Variants in TNS1 observed in about 807,000 individuals in gnomAD.
TNS1 encodes tensin-1.
In TNS1, 62 loss-of-function variants were observed where a neutral mutation model predicts 168.6. The ratio of observed to expected loss-of-function variants is 0.37; its 90% CI spans 0.30 to 0.45. The LOEUF is 0.45. Among genes scored for constraint, TNS1 ranks in the 20% least tolerant of loss-of-function variants. The pLI is 1.00. For synonymous variants in TNS1, 934 were observed against 933.2 expected (o/e 1.00, Z -0.02); for missense variants, 2,240 against 2,339.4 (o/e 0.96, Z 0.88).
chr2:218,003,083 C>T, upstream of TNS1: 1 of 385,700 alleles, frequency 2.6e-6, no homozygotes, highest in South Asian at 1.9e-5. Flanking sequence ...CCTCCTCTCT[C>T]CTCCCTCCTC....
intron 22 of TNS1, 24 bp downstream of exon 22, chr2:217,831,431 C>T (rs746465189): frequency 6.4e-7 from 1 of 1,552,944 alleles, no homozygotes; most frequent in East Asian, 2.4e-5. Flanking sequence ...GCCCCCCTCC[C>T]CATCTTCCCT....
At chr2:217,909,516 C>G (rs1322770037) in intron 4 of TNS1, among the ~76,000 whole-genome samples, 1 of 152,008 alleles carries the variant, frequency 6.6e-6, no homozygotes, top group African/African-American at 2.4e-5. Flanking sequence ...GGGTCTCAAA[C>G]TTGAACATGC....
Position 217,859,464 on chromosome 2 carries a change from G to C in TNS1, c.1430-10377C>G, listed in dbSNP as rs889786389. On this transcript the variant is annotated intron_variant, in intron 18 of 32. Transcript: ENST00000682258. Reference sequence around the variant, plus strand: ...CCCACAGGGTCCTGCACTTCCCAGAGGTGAACACAGGACCTGAATAGAAGG... The same window carrying C: ...CCCACAGGGTCCTGCACTTCCCAGACGTGAACACAGGACCTGAATAGAAGG... 6 of 609,832 alleles carry C rather than the reference G, an allele frequency of 9.8e-6. No homozygotes were observed. In the Admixed American group the frequency reaches 1.6e-4, roughly 17 times the overall value. The allele number at this position is 609,832 out of a possible 1,614,324, so 37.8% of individuals were successfully genotyped here.
chr2:218,019,915 G>A (rs1958792618), intron 1 of TNS1, among the ~76,000 whole-genome samples: 1 of 151,988 alleles, frequency 6.6e-6, no homozygotes, highest in Admixed American at 6.6e-5. Context: ...GTCCAGAGTA[G>A]CTATCCCCCT....
chr2:218,025,837 G>T (rs1958846125), intron 1 of TNS1, among the ~76,000 whole-genome samples: 1 of 152,094 alleles, frequency 6.6e-6, no homozygotes, highest in Admixed American at 6.6e-5. Context: ...CACCCCACTG[G>T]CACTAGGGAC....
At chr2:218,016,197 T>C (rs1958758415) in intron 1 of TNS1, among the ~76,000 whole-genome samples, 1 of 151,742 alleles carries the variant, frequency 6.6e-6, no homozygotes, top group Admixed American at 6.6e-5. Flanking sequence ...GCCAGTCTGC[T>C]CCTGAACTGG....
At chr2:217,917,357 CA>C (rs1474106326) in intron 4 of TNS1, among the ~76,000 whole-genome samples, 1 of 152,132 alleles carries the variant, frequency 6.6e-6, no homozygotes, top group African/African-American at 2.4e-5. Context: ...CAGCACCGAA[CA>C]AAATAGATAA....
chr2:217,925,505 C>G (rs1955972022), intron 3 of TNS1, among the ~76,000 whole-genome samples: 1 of 152,212 alleles, frequency 6.6e-6, no homozygotes, highest in Admixed American at 6.5e-5. Flanking sequence ...CACCTGGCCC[C>G]TGGGACTGGA....
At chr2:218,018,519 T>C (rs1354541495) in intron 1 of TNS1, among the ~76,000 whole-genome samples, 2 of 152,226 alleles carry the variant, frequency 1.3e-5, no homozygotes, top group African/African-American at 2.4e-5. Context: ...TTAGACCCCA[T>C]GGGGAACGAG....
rs751581778 is a variant in TNS1, at chr2:217,906,305, C to A, written c.321+30G>T. On this transcript the variant is annotated intron_variant, in intron 6 of 32. Coordinates refer to ENST00000682258, the MANE Select transcript of TNS1 (RefSeq NM_001387777.1). Reference sequence around the variant, plus strand: ...TTCCCCCTGGCCACCAGGGCCCAGCCCCATCCTTCTTCTCCCCATCCACAC... The same window carrying A: ...TTCCCCCTGGCCACCAGGGCCCAGCACCATCCTTCTTCTCCCCATCCACAC... 2.0e-5 allele frequency: 14 copies of A among 701,398 alleles called. No homozygotes were observed. In the African/African-American group the frequency reaches 2.4e-4, roughly 12 times the overall value. 43.4% of individuals were successfully genotyped at this position (701,398 alleles called of 1,614,324 possible). A position where few individuals can be genotyped will look rare whatever the true frequency, so the allele number is the denominator to read the frequency against.
chr2:217,864,256 G>A (rs1353188553), intron 18 of TNS1, among the ~76,000 whole-genome samples: 2 of 152,208 alleles, frequency 1.3e-5, no homozygotes, highest in African/African-American at 2.4e-5. Flanking sequence ...CTCACTGAAT[G>A]GGGAGAGGGT....
Position 217,818,273 on chromosome 2 carries a change from G to A in TNS1, c.4059C>T (p.His1353=). 4 of 1,613,638 alleles carry A rather than the reference G, an allele frequency of 2.5e-6. No individual in the cohort carries two copies. Among genetic ancestry groups the A allele is most frequent in the Non-Finnish European group, 3.4e-6 (4 of 1,179,706 alleles). ...CAGAAACCTGGTAGACCCCTGCTGG[G>A]TGCCGACACAGGCTGGGGCTCCCCG... is the stretch of plus-strand genomic sequence containing the variant. ...TTPGSPSLCR[H]PAGVYQVSGL... is the part of the protein sequence containing the mutation. The change falls in exon 24 of 33, where the codon CAC becomes CAT. Residue 1353 remains histidine, a synonymous_variant. Transcript: ENST00000682258.
chr2:218,014,903 G>GGAA (rs1553627411), upstream of TNS1, among the ~76,000 whole-genome samples: 2 of 142,376 alleles, frequency 1.4e-5, no homozygotes, highest in Non-Finnish European at 3.2e-5. Context: ...AAGGAAGGAA[G>GGAA]GAAGGAAGGA....
intron 4 of TNS1, among the ~76,000 whole-genome samples, chr2:217,914,511 T>A (rs906262325): frequency 1.4e-4 from 22 of 152,116 alleles, no homozygotes; most frequent in African/African-American, 5.3e-4. Context: ...GTTTTTTTGT[T>A]TTGTTTTTGT....
At position 217,880,912 on chromosome 2, in the gene TNS1, T is replaced by C. The variant is rs781427620; in HGVS notation, c.1415A>G (p.Asp472Gly). The C allele has an allele frequency of 1.2e-6, 2 of 1,613,916 alleles. No homozygotes were observed. The highest frequency in any genetic ancestry group is 1.7e-6 in the Non-Finnish European group (2 of 1,179,894). The change falls in exon 18 of 33, where the codon GAT (aspartate) becomes GGT (glycine). Residue 472 changes from aspartate (D) to glycine (G), a missense_variant. Physicochemically the swap from Asp to Gly is moderately conservative, Grantham distance 94. Transcript: ENST00000682258. This position sits in a 1 kb window ranked among gnomAD's most constrained non-coding sequence, Gnocchi z 4.2. Reference protein sequence around the residue: ...DSYDNFSGHRDDGMEEVVGHT... With the variant: ...DSYDNFSGHRGDGMEEVVGHT... ...GTCCCACCTACCCTCCATGCCGTCA[T>C]CTCGATGCCCACTGAAGTTGTCGTA... is the stretch of plus-strand genomic sequence containing the variant.
At chr2:217,915,627 G>A (rs140746740) in intron 4 of TNS1, among the ~76,000 whole-genome samples, 327 of 152,296 alleles carry the variant, frequency 2.1e-3, no homozygotes, top group African/African-American at 7.3e-3. Flanking sequence ...AAACAGAGAA[G>A]CTAGCTGTTT....
At chr2:218,002,470 G>T (rs1008261805) in intron 1 of TNS1, among the ~76,000 whole-genome samples, 2 of 148,792 alleles carry the variant, frequency 1.3e-5, no homozygotes, top group Non-Finnish European at 2.9e-5. Context: ...CAGCAACTGA[G>T]GGGGGGCGGT....
In TNS1 at chr2:217,847,760, T is replaced by C; in HGVS notation, c.2757A>G (p.Ser919=). 2.5e-6 allele frequency: 4 copies of C among 1,607,908 alleles called. No homozygotes were observed. Among genetic ancestry groups the C allele is most frequent in the Non-Finnish European group, 3.4e-6 (4 of 1,175,208 alleles). The change falls in exon 19 of 33, where the codon TCA becomes TCG. Residue 919 remains serine, a synonymous_variant. Transcript: ENST00000682258. Reference sequence around the variant, plus strand: ...CCAAACATGGCTGATAGTCATAAGGTGAGTAAGACCTGCCAGGAGGGACAG... The same window carrying C: ...CCAAACATGGCTGATAGTCATAAGGCGAGTAAGACCTGCCAGGAGGGACAG... ...LESVPPGRSY[S]PYDYQPCLAG... is the part of the protein sequence containing the mutation.
intron 20 of TNS1, 63 bp downstream of exon 20, chr2:217,835,952 T>C: frequency 6.9e-7 from 1 of 1,440,228 alleles, no homozygotes; most frequent in Non-Finnish European, 9.6e-7. Flanking sequence ...CCATCAGGTT[T>C]CTGGAGATTT....
Sources: gnomAD v4.1 joint callset for allele counts (sites outside exome capture counted in the v4.1 genomes callset) on GRCh38, gnomAD v4.1.1 for gene constraint, Gnocchi (gnomAD v3.1) non-coding constraint, MANE v1.5 for transcripts, NCBI Gene and HGNC (gene_info 2026-07-23, HGNC 2026-07-21) for gene names.